The following ITIH5 variants were observed in gnomAD, a reference collection of about 807,000 sequenced individuals.
The protein encoded by ITIH5 is inter-alpha-trypsin inhibitor heavy chain 5.
In ITIH5, 65 loss-of-function variants were observed where a neutral mutation model predicts 77.5. The observed-to-expected ratio is 0.84, with a 90% CI of 0.69 to 1.03. The LOEUF (loss-of-function observed/expected upper bound fraction) is 1.03. ITIH5 is among the 50% of genes least tolerant of loss of function. The pLI, the probability that ITIH5 is intolerant of heterozygous loss-of-function variation, is 0.00. For synonymous variants in ITIH5, 525 were observed against 494.3 expected (o/e 1.06, Z -0.82); for missense variants, 1,208 against 1,213.1 (o/e 1.00, Z 0.06).
intron 1 of ITIH5, among the ~76,000 whole-genome samples, 171 bp downstream of exon 1, chr10:7,666,632 C>T (rs1363807972): frequency 6.6e-6 from 1 of 152,150 alleles, no homozygotes; most frequent in African/African-American, 2.4e-5. Context: ...GATCAGGCAC[C>T]GCGGCTCACA....
At chr10:7,654,251 GCATT>G (rs1834145704) in intron 2 of ITIH5, among the ~76,000 whole-genome samples, 1 of 152,206 alleles carries the variant, frequency 6.6e-6, no homozygotes, top group Non-Finnish European at 1.5e-5. Context: ...TTCCCCTGCT[GCATT>G]CTATTTTTCA....
At chr10:7,590,159 A>C (rs867385955) in intron 7 of ITIH5, among the ~76,000 whole-genome samples, 1 of 152,146 alleles carries the variant, frequency 6.6e-6, no homozygotes, top group East Asian at 1.9e-4. Context: ...TGGAACCTTC[A>C]TCTTTTTAAA....
chr10:7,579,304 T>G (rs1832489403), intron 9 of ITIH5, among the ~76,000 whole-genome samples: 1 of 152,212 alleles, frequency 6.6e-6, no homozygotes, highest in Non-Finnish European at 1.5e-5. Flanking sequence ...GGCGGGCAGA[T>G]CACCTGAGGT....
chr10:7,571,069 C>G (rs1397778332), intron 11 of ITIH5, among the ~76,000 whole-genome samples: 1 of 152,212 alleles, frequency 6.6e-6, no homozygotes, highest in Admixed American at 6.5e-5. Flanking sequence ...GCTGAGAAAC[C>G]CTTTCTGCCC....
chr10:7,641,975 T>C lies in ITIH5; in HGVS notation c.251A>G (p.Glu84Gly). 1 of 1,614,132 alleles carries C rather than the reference T, an allele frequency of 6.2e-7. No individual in the cohort carries two copies. The highest frequency in any genetic ancestry group is 8.5e-7 in the Non-Finnish European group (1 of 1,179,984). The change falls in exon 3 of 14, where the codon GAG becomes GGG. Residue 84 changes from glutamate (E) to glycine (G), a missense_variant. Transcript: ENST00000397146. ...LNRASEDQDI[E>G]FQMQIPAAAF... ...TGCAGCTGGAATCTGCATCTGGAAC[T>C]CAATGTCCTGGTCTTCAGAAGCTCT...
intron 7 of ITIH5, among the ~76,000 whole-genome samples, chr10:7,588,492 G>A (rs1832727192): frequency 6.6e-6 from 1 of 152,188 alleles, no homozygotes; most frequent in African/African-American, 2.4e-5. Flanking sequence ...CACTCTGCCT[G>A]GGTGACAGAG....
At chr10:7,644,414 CAT>C (rs1320526435) in intron 2 of ITIH5, among the ~76,000 whole-genome samples, 1 of 141,680 alleles carries the variant, frequency 7.1e-6, no homozygotes, top group Non-Finnish European at 1.5e-5. Context: ...TCACATATAT[CAT>C]ATATATCACA....
chr10:7,576,311 ACTATAC>A (rs1832412393), intron 10 of ITIH5, 136 bp downstream of exon 10: 1 of 768,742 alleles, frequency 1.3e-6, no homozygotes, highest in Non-Finnish European at 2.0e-6. Flanking sequence ...GGTGTGAGCT[ACTATAC>A]CCGGTCTGGG....
At chr10:7,630,266 A>G (rs1833691480) in intron 5 of ITIH5, among the ~76,000 whole-genome samples, 4 of 152,220 alleles carry the variant, frequency 2.6e-5, no homozygotes, top group Admixed American at 2.6e-4. Flanking sequence ...TGTTTGTTGA[A>G]GGAACTGAGG....
intron 5 of ITIH5, among the ~76,000 whole-genome samples, chr10:7,622,951 C>G (rs1833497656): frequency 6.6e-6 from 1 of 152,176 alleles, no homozygotes; most frequent in South Asian, 2.1e-4. Flanking sequence ...TACTTTATAG[C>G]TTGTGCATCA....
chr10:7,565,234 C>T (rs1256128281), intron 13 of ITIH5, among the ~76,000 whole-genome samples: 3 of 148,588 alleles, frequency 2.0e-5, no homozygotes, highest in African/African-American at 7.4e-5. Flanking sequence ...CATATATACA[C>T]AGAGTGTATA....
chr10:7,611,253 T>G (rs1337933192), intron 7 of ITIH5, among the ~76,000 whole-genome samples: 2 of 152,270 alleles, frequency 1.3e-5, no homozygotes, highest in African/African-American at 2.4e-5. Flanking sequence ...GACAACTAAA[T>G]TATTTTAAAG....
intron 4 of ITIH5, 49 bp from the exon 5 acceptor site, chr10:7,637,527 A>T (rs542127295): frequency 6.3e-7 from 1 of 1,583,588 alleles, no homozygotes. Context: ...AAGAGGATAG[A>T]GCCAGGTTCC....
Position 7,640,806 on chromosome 10 carries a change from T to C in ITIH5, c.349A>G (p.Lys117Glu). The change falls in exon 4 of 14, where the codon AAG becomes GAG. Residue 117 changes from lysine to glutamate, a missense_variant. Lys to Glu is a moderately conservative substitution (Grantham distance 56, BLOSUM62 1). Transcript: ENST00000397146. ...TTCTCTTTTACCCTATCACCACTCT[T>C]CTTTTCTCTCTCTGTAATTTCGCCC... ...YQGEITEREK[K>E]SGDRVKEKRN... is the part of the protein sequence containing the mutation. 1.2e-6 allele frequency: 2 copies of C among 1,613,452 alleles called. No individual in the cohort carries two copies. Among genetic ancestry groups the C allele is most frequent in the Non-Finnish European group, 1.7e-6 (2 of 1,179,394 alleles).
At chr10:7,572,465 A>ATT in intron 11 of ITIH5, 1 of 1,322,086 alleles carries the variant, frequency 7.6e-7, no homozygotes, top group Non-Finnish European at 1.0e-6. Flanking sequence ...TGGTAGCACC[A>ATT]TTTTATGTTT....
chr10:7,571,162 T>C (rs1047511866), intron 11 of ITIH5, among the ~76,000 whole-genome samples: 2 of 152,118 alleles, frequency 1.3e-5, no homozygotes, highest in South Asian at 2.1e-4. Flanking sequence ...TTGCAACATA[T>C]GAAGAAATTC....
chr10:7,609,740 C>T (rs565839470), intron 7 of ITIH5, among the ~76,000 whole-genome samples: 1 of 152,162 alleles, frequency 6.6e-6, no homozygotes, highest in Non-Finnish European at 1.5e-5. Context: ...CACAGAGGGA[C>T]ACAGAGTGTG....
At chr10:7,582,881 G>A (rs1832595489) in intron 8 of ITIH5, among the ~76,000 whole-genome samples, 1 of 152,264 alleles carries the variant, frequency 6.6e-6, no homozygotes, top group African/African-American at 2.4e-5. Flanking sequence ...GATAGTTAAT[G>A]GGTACAAAAA....
At position 7,563,149 on chromosome 10, in the gene ITIH5, A is replaced by G. The variant is rs751349610; in HGVS notation, c.2763T>C (p.Asp921=). The change falls in exon 14 of 14, where the codon GAT becomes GAC. Residue 921 remains aspartate, a synonymous_variant. Transcript: ENST00000397146. Reference sequence around the variant, plus strand: ...TGTCAAATGGATGGGATGCCAGGTAATCCTTGTACTCCCCGTCAATCAGTT... The same window carrying G: ...TGTCAAATGGATGGGATGCCAGGTAGTCCTTGTACTCCCCGTCAATCAGTT... ...AAKLIDGEYK[D]YLASHPFDTG... The G allele has an allele frequency of 6.2e-7, 1 of 1,614,058 alleles. No homozygotes were observed. Among genetic ancestry groups the G allele is most frequent in the South Asian group, 1.1e-5 (1 of 91,076 alleles).
Sources: allele counts gnomAD v4.1 joint callset (sites outside exome capture counted in the v4.1 genomes callset), GRCh38; gene constraint gnomAD v4.1.1; transcripts MANE v1.5; gene names NCBI Gene and HGNC (gene_info 2026-07-23, HGNC 2026-07-21).